NLGN1: variants seen among roughly 807,000 people sequenced by gnomAD.
NLGN1 encodes neuroligin 1, also known as neuroligin-1.
NLGN1 carries 12 observed loss-of-function variants against 65.5 expected under a neutral mutation model. The observed-to-expected ratio is 0.18, with a 90% confidence interval of 0.12 to 0.30. The LOEUF is 0.30. NLGN1 is among the 10% of genes least tolerant of loss of function. The pLI, the probability that NLGN1 is intolerant of heterozygous loss-of-function variation, is 1.00. For synonymous variants in NLGN1, 350 were observed against 359.5 expected, an observed-to-expected ratio of 0.97 and a Z score of 0.30; for missense variants, 750 against 1,007.1, an observed-to-expected ratio of 0.74 and a Z score of 3.46.
intron 1 of NLGN1, among the ~76,000 whole-genome samples, chr3:173,417,937 CATCTT>C (rs1180110492): frequency 9.9e-5 from 15 of 151,302 alleles, no homozygotes; most frequent in Admixed American, 9.9e-4. Context: ...AACAAATACT[CATCTT>C]AATAATGAGA....
chr3:173,865,802 A>G (rs1489295358), intron 4 of NLGN1, among the ~76,000 whole-genome samples: 2 of 152,234 alleles, frequency 1.3e-5, no homozygotes, highest in African/African-American at 2.4e-5. Flanking sequence ...TTTGATGTGC[A>G]TAAACCTGAC....
chr3:174,013,326 C>G (rs1674672107), intron 4 of NLGN1, among the ~76,000 whole-genome samples: 1 of 152,124 alleles, frequency 6.6e-6, no homozygotes, highest in African/African-American at 2.4e-5. Flanking sequence ...GCATGATTTG[C>G]AAATGACTGC....
rs191704736 is a variant in NLGN1 at position 174,185,572 on chromosome 3, T to A, written c.647-89743T>A. On this transcript the variant is annotated intron_variant, in intron 4 of 6. Coordinates refer to ENST00000457714, the Ensembl canonical transcript of NLGN1. ...GTATTAGCATCCATATACTTTAGTA[T>A]AGTCAATCATAGTATGTACTCAGTA... Among the ~76,000 whole-genome samples the A allele has an allele frequency of 5.7e-4, 87 of 152,286 alleles. 1 individual carries two copies. The highest frequency in any genetic ancestry group is 1.9e-3 in the African/African-American group (80 of 41,564).
intron 4 of NLGN1, among the ~76,000 whole-genome samples, chr3:173,895,261 C>T (rs957073914): frequency 4.6e-5 from 7 of 152,138 alleles, no homozygotes; most frequent in African/African-American, 1.7e-4. Flanking sequence ...CTGAGTACCA[C>T]ATCTGTAAAG....
intron 2 of NLGN1, among the ~76,000 whole-genome samples, chr3:173,583,290 AATT>A (rs1327262046): frequency 6.6e-6 from 1 of 152,228 alleles, no homozygotes; most frequent in African/African-American, 2.4e-5. Flanking sequence ...TTTTATTAAT[AATT>A]ACATTACTTC....
At chr3:173,891,605 AG>A in intron 4 of NLGN1, among the ~76,000 whole-genome samples, 1 of 152,270 alleles carries the variant, frequency 6.6e-6, no homozygotes, top group East Asian at 1.9e-4. Context: ...TTAAACTGTG[AG>A]GATGATTTAC....
At chr3:174,058,109 A>G (rs779150981) in intron 4 of NLGN1, among the ~76,000 whole-genome samples, 80 of 152,126 alleles carry the variant, frequency 5.3e-4, no homozygotes, top group Non-Finnish European at 9.7e-4. Context: ...AGGTAAGAGT[A>G]TATTCACCAG....
intron 4 of NLGN1, among the ~76,000 whole-genome samples, chr3:174,048,137 TAG>T (rs1382670579): frequency 6.6e-6 from 1 of 152,084 alleles, no homozygotes; most frequent in Admixed American, 6.6e-5. Flanking sequence ...CATTGTGGGA[TAG>T]AGTCAACATT....
chr3:174,173,604 T>A (rs912589830), intron 4 of NLGN1, among the ~76,000 whole-genome samples: 21 of 151,990 alleles, frequency 1.4e-4, no homozygotes, highest in African/African-American at 4.8e-4. Context: ...GATTTTGTTG[T>A]TATGATGTAT....
At chr3:173,668,050 A>C (rs1185582147) in intron 3 of NLGN1, among the ~76,000 whole-genome samples, 1 of 152,234 alleles carries the variant, frequency 6.6e-6, no homozygotes, top group Non-Finnish European at 1.5e-5. Context: ...AATTGAAGGC[A>C]CAAGGGATAC....
chr3:174,138,591 C>A (rs1041768750), intron 4 of NLGN1, among the ~76,000 whole-genome samples: 1 of 152,070 alleles, frequency 6.6e-6, no homozygotes, highest in East Asian at 1.9e-4. Flanking sequence ...CCCGCCACCA[C>A]GCCCGGCTAA....
At chr3:173,418,029 CTCTT>C (rs1714147256) in intron 1 of NLGN1, among the ~76,000 whole-genome samples, 2 of 151,420 alleles carry the variant, frequency 1.3e-5, no homozygotes, top group South Asian at 4.2e-4. Context: ...TTCATCCATT[CTCTT>C]TCTTTTTATT....
At chr3:173,461,239 G>A (rs975487625) in intron 2 of NLGN1, among the ~76,000 whole-genome samples, 3 of 152,098 alleles carry the variant, frequency 2.0e-5, no homozygotes, top group Admixed American at 2.0e-4. Context: ...ACCAAATTCA[G>A]TTAGTGATTT....
At chr3:174,101,620 T>C (rs1712497011) in intron 4 of NLGN1, among the ~76,000 whole-genome samples, 1 of 152,234 alleles carries the variant, frequency 6.6e-6, no homozygotes, top group African/African-American at 2.4e-5. Flanking sequence ...TCTAATGATA[T>C]GTTACTTCCT....
chr3:173,598,640 T>G (rs1664711274), intron 2 of NLGN1, among the ~76,000 whole-genome samples: 1 of 152,180 alleles, frequency 6.6e-6, no homozygotes, highest in South Asian at 2.1e-4. Context: ...CATTTCAATC[T>G]TATCCAATGC....
chr3:174,196,137 A>G (rs191328398), intron 4 of NLGN1, among the ~76,000 whole-genome samples: 1 of 152,302 alleles, frequency 6.6e-6, no homozygotes, highest in Non-Finnish European at 1.5e-5. Context: ...TTATTAGTTT[A>G]GTACATTCAC....
chr3:173,574,062 C>CAAAAAAAAAAAAAAAAAAAAAAA (rs1192427397), intron 2 of NLGN1, among the ~76,000 whole-genome samples: 1 of 51,918 alleles, frequency 1.9e-5, no homozygotes, highest in African/African-American at 7.9e-5. Flanking sequence ...GACTCCACCT[C>CAAAAAAAAAAAAAAAAAAAAAAA]AAAAAAAAAA....
chr3:174,227,912 CTG>C (rs1447342681), intron 4 of NLGN1, among the ~76,000 whole-genome samples: 6 of 151,944 alleles, frequency 3.9e-5, no homozygotes, highest in Non-Finnish European at 8.8e-5. Context: ...AATTTGGCCA[CTG>C]TATGAGCATA....
At chr3:173,785,768 T>C (rs1441481159) in intron 3 of NLGN1, among the ~76,000 whole-genome samples, 6 of 152,146 alleles carry the variant, frequency 3.9e-5, no homozygotes, top group African/African-American at 1.2e-4. Flanking sequence ...AAAATAAAGC[T>C]TTGTTTGGGA....
Sources: allele counts gnomAD v4.1 joint callset (sites outside exome capture counted in the v4.1 genomes callset), GRCh38; gene constraint gnomAD v4.1.1; transcripts MANE v1.5; gene names NCBI Gene and HGNC (gene_info 2026-07-23, HGNC 2026-07-21).